Variants in EPGN observed in about 807,000 individuals in gnomAD.
The protein encoded by EPGN is epithelial mitogen.
EPGN carries 21 observed loss-of-function variants against 20.7 expected under a neutral mutation model. That is an observed-to-expected ratio of 1.01 (90% CI 0.72 to 1.46). The LOEUF is 1.46. Among genes scored for constraint, EPGN ranks in the 40% most tolerant of loss-of-function variants. EPGN has a pLI of 0.00. For missense variants in EPGN, 199 were observed against 180.7 expected (o/e 1.10, Z -0.58); for synonymous variants, 69 against 63.8 (o/e 1.08, Z -0.39).
At chr4:74,309,002 T>C (rs1750714880) in intron 1 of EPGN, 91 bp from the exon 2 acceptor site, 1 of 946,918 alleles carries the variant, frequency 1.1e-6, no homozygotes, top group Non-Finnish European at 1.6e-6. Context: ...AAAATAGAAA[T>C]TGGAATAAAC....
At chr4:74,313,456 GC>G (rs1181103226) in intron 4 of EPGN, 8 of 1,266,884 alleles carry the variant, frequency 6.3e-6, no homozygotes, top group Non-Finnish European at 5.9e-6. Flanking sequence ...AGGACAGCAG[GC>G]CCCAAGAAAG....
In EPGN at chr4:74,309,060, TCTGTTAAAGATGCTTTTGCCCC is replaced by T. The variant is rs1365309454; in HGVS notation, c.44-30_44-9del. 6.6e-7 allele frequency: 1 copy of T among 1,513,608 alleles called. No individual in the cohort carries two copies. 93.8% of individuals were successfully genotyped at this position (1,513,608 alleles called of 1,614,324 possible). On this transcript the variant is annotated splice_polypyrimidine_tract_variant and intron_variant, in intron 1 of 4. Transcript: ENST00000413830. ...GTTGCTTGTACATAGAAGGAGGCTCTCTGTTAAAGATGCTTTTGCCCCCTTAATACAGCAATGACAGCACTGA... is the reference window on the plus strand; with the variant it reads ...GTTGCTTGTACATAGAAGGAGGCTCTCTTAATACAGCAATGACAGCACTGA...
chr4:74,308,954 C>T (rs1278996379), intron 1 of EPGN, 139 bp from the exon 2 acceptor site: 5 of 662,328 alleles, frequency 7.5e-6, no homozygotes, highest in Non-Finnish European at 1.3e-5. Flanking sequence ...AGTATGTTGC[C>T]CTAGTCACGT....
chr4:74,308,633 T>C, intron 1 of EPGN, 57 bp downstream of exon 1: 2 of 1,460,416 alleles, frequency 1.4e-6, no homozygotes, highest in South Asian at 2.5e-5. Flanking sequence ...GTGAATAGAA[T>C]TTATTTTCTC....
chr4:74,312,956 C>G, intron 3 of EPGN, 62 bp from the exon 4 acceptor site: 1 of 1,275,848 alleles, frequency 7.8e-7, no homozygotes, highest in Non-Finnish European at 1.1e-6. Flanking sequence ...TTTATTGAAA[C>G]AGGTTATTTG....
At chr4:74,313,579 A>T in intron 4 of EPGN, 1 of 1,031,096 alleles carries the variant, frequency 9.7e-7, no homozygotes, top group Non-Finnish European at 1.2e-6. Context: ...TCAAGAAACA[A>T]GTAAAAACTG....
chr4:74,309,928 T>C (rs995499811), intron 2 of EPGN, among the ~76,000 whole-genome samples: 1 of 152,172 alleles, frequency 6.6e-6, no homozygotes, highest in African/African-American at 2.4e-5. Context: ...GGAAACAATG[T>C]CTTGCACTCA....
At chr4:74,309,617 T>C (rs970398119) in intron 2 of EPGN, among the ~76,000 whole-genome samples, 19 of 152,224 alleles carry the variant, frequency 1.2e-4, no homozygotes, top group Non-Finnish European at 2.6e-4. Context: ...GGAATGACCT[T>C]TTTTTCTTGT....
rs1466704369 is a variant in EPGN at position 74,315,566 on chromosome 4, G to GAAAA, written c.*929_*930insAAAA. Among the ~76,000 whole-genome samples the GAAAA allele has an allele frequency of 1.3e-5, 2 of 152,186 alleles. No individual in the cohort carries two copies. The highest frequency in any genetic ancestry group is 2.9e-5 in the Non-Finnish European group (2 of 68,034). ...GAATTTTTTCACCAGACCACAGCATGTGGAAACTTTCTTTATCATTTTTGA... is the reference window on the plus strand; with the variant it reads ...GAATTTTTTCACCAGACCACAGCATGAAAATGGAAACTTTCTTTATCATTTTTGA... On this transcript the variant is annotated 3_prime_UTR_variant, in exon 5 of 5. Transcript: ENST00000413830.
At position 74,308,982 on chromosome 4, in the gene EPGN, A is replaced by AT. The variant is rs1338047649; in HGVS notation, c.44-110dup. ...AGTCACGTTATGGATTTCAACTGTA[A>AT]TAAATTAAAAAAATAGAAATTGGAA... On this transcript the variant is annotated intron_variant, in intron 1 of 4. Coordinates refer to ENST00000413830, the MANE Select transcript of EPGN (RefSeq NM_001270989.2). The AT allele has an allele frequency of 8.5e-6, 7 of 819,744 alleles. No homozygotes were observed. The African/African-American group carries it at 1.2e-4, about 14-fold the overall frequency. 50.8% of individuals were successfully genotyped at this position (819,744 alleles called of 1,614,324 possible).
At chr4:74,310,708 G>T (rs1387170436) in intron 2 of EPGN, among the ~76,000 whole-genome samples, 8 of 151,928 alleles carry the variant, frequency 5.3e-5, no homozygotes, top group Non-Finnish European at 1.5e-5. Flanking sequence ...CTGCCCAGAG[G>T]GTACCAAAAT....
chr4:74,314,507 T>A (rs1038072966), intron 4 of EPGN, 73 bp from the exon 5 acceptor site: 2 of 1,422,624 alleles, frequency 1.4e-6, no homozygotes, highest in Non-Finnish European at 1.9e-6. Context: ...TGCTGCAGGG[T>A]GCATTTATGT....
rs1578789486 is a variant in EPGN at position 74,313,146 on chromosome 4, T to C, written c.383T>C (p.Ile128Thr). ...TTACTATTAAGTGGTTTTCTTGTTA[T>C]TTTTTACTGCTATATAAGAAAGAGG... ...VGLLLSGFLV[I>T]FYCYIRKRCL... The change falls in exon 4 of 5, where the codon ATT (isoleucine) becomes ACT (threonine). Residue 128 changes from isoleucine (I) to threonine (T), a missense_variant. Transcript: ENST00000413830. 2 of 1,611,776 alleles carry C rather than the reference T, an allele frequency of 1.2e-6. No individual in the cohort carries two copies. Among genetic ancestry groups the C allele is most frequent in the African/African-American group, 2.7e-5 (2 of 74,950 alleles).
At position 74,309,128 on chromosome 4, in the gene EPGN, G is replaced by A; in HGVS notation, c.79G>A (p.Val27Ile). 1.2e-6 allele frequency: 2 copies of A among 1,613,646 alleles called. No individual in the cohort carries two copies. Among genetic ancestry groups the A allele is most frequent in the Non-Finnish European group, 1.7e-6 (2 of 1,179,678 alleles). ...ACTGACCGAAGAGGCAGCCGTGACT[G>A]TAACACCTCCAATCACAGCCCAGCA... ...TALTEEAAVTVTPPITAQQGN... is the reference protein window; with the variant it reads ...TALTEEAAVTITPPITAQQGN... The change falls in exon 2 of 5, where the codon GTA becomes ATA. Residue 27 changes from valine (V) to isoleucine (I), a missense_variant. Val to Ile is a conservative substitution (Grantham distance 29). Transcript: ENST00000413830.
chr4:74,313,142 GT>G lies in EPGN; in HGVS notation c.381del (p.Ile128PhefsTer6), dbSNP rs768879085. Reference protein sequence around the residue: ...GVGLLLSGFLVIFYCYIRKRC... With the variant: ...GVGLLLSGFLXIFYCYIRKRC... ...TGGATTACTATTAAGTGGTTTTCTT[GT>G]TATTTTTTACTGCTATATAAGAAAG... On this transcript the variant is annotated frameshift_variant, in exon 4 of 5. Coordinates refer to ENST00000413830, the MANE Select transcript of EPGN (RefSeq NM_001270989.2). LOFTEE classifies it high-confidence loss of function. The G allele has an allele frequency of 1.2e-6, 2 of 1,611,298 alleles. No individual in the cohort carries two copies. The highest frequency in any genetic ancestry group is 1.7e-6 in the Non-Finnish European group (2 of 1,179,196).
At chr4:74,309,780 C>T (rs1750781161) in intron 2 of EPGN, among the ~76,000 whole-genome samples, 1 of 152,128 alleles carries the variant, frequency 6.6e-6, no homozygotes, top group South Asian at 2.1e-4. Context: ...AGCGTTCTTT[C>T]TCTAATCTGT....
In EPGN at chr4:74,312,984, G is replaced by A. The variant is rs371369261; in HGVS notation, c.255-34G>A. On this transcript the variant is annotated intron_variant, in intron 3 of 4. Transcript: ENST00000413830. ...GTTATTTGTATTTCTACCACCGTAG[G>A]TTTTAAAATTAAACTTTTTTTCTTT... 25 of 1,513,090 alleles carry A rather than the reference G, an allele frequency of 1.7e-5. No homozygotes were observed. In the Middle Eastern group the frequency reaches 5.6e-4, roughly 34 times the overall value. 93.7% of individuals were successfully genotyped at this position (1,513,090 alleles called of 1,614,324 possible). A position where few individuals can be genotyped will look rare whatever the true frequency, so the allele number is the denominator to read the frequency against.
Position 74,308,679 on chromosome 4 carries a change from T to C in EPGN, c.43+103T>C. 10 of 932,102 alleles carry C rather than the reference T, an allele frequency of 1.1e-5. No individual in the cohort carries two copies. The South Asian group carries it at 1.8e-4, about 17-fold the overall frequency. The allele number at this position is 932,102 out of a possible 1,614,324, so 57.7% of individuals were successfully genotyped here. A position where few individuals can be genotyped will look rare whatever the true frequency, so the allele number is the denominator to read the frequency against. On this transcript the variant is annotated intron_variant, in intron 1 of 4. Transcript: ENST00000413830. ...AGAAGTTGGCTTCTAACAGTTGTTC[T>C]TTATGACAAAGATCAGAGTAATGAA... is the stretch of plus-strand genomic sequence containing the variant.
chr4:74,311,458 G>A (rs1750942936), intron 2 of EPGN, among the ~76,000 whole-genome samples: 1 of 151,992 alleles, frequency 6.6e-6, no homozygotes, highest in African/African-American at 2.4e-5. Flanking sequence ...TTTTAAAACT[G>A]TTTTTTCCCT....
Sources: gnomAD v4.1 joint callset for allele counts (sites outside exome capture counted in the v4.1 genomes callset) on GRCh38, gnomAD v4.1.1 for gene constraint, MANE v1.5 for transcripts, NCBI Gene and HGNC (gene_info 2026-07-23, HGNC 2026-07-21) for gene names.